The following CNGB3 variants were observed in gnomAD, a reference collection of about 807,000 sequenced individuals.
CNGB3 encodes the protein cyclic nucleotide-gated channel beta-3.
Under a neutral mutation model 92.8 loss-of-function variants are expected in CNGB3, and 86 were observed. The ratio of observed to expected loss-of-function variants is 0.93; its 90% CI spans 0.78 to 1.11. The LOEUF (loss-of-function observed/expected upper bound fraction) is 1.11, where lower values mean the gene tolerates loss of function less well. CNGB3 is among the 50% of genes least tolerant of loss of function. The probability of loss-of-function intolerance (pLI) is 0.00; values close to 1 mark genes in which losing one functional copy is unlikely to be tolerated. For missense variants in CNGB3, 1,026 were observed against 956.8 expected (o/e 1.07, Z -0.95); for synonymous variants, 333 against 332.7 (o/e 1.00, Z -0.01).
intron 6 of CNGB3, among the ~76,000 whole-genome samples, chr8:86,664,872 T>C (rs190648862): frequency 2.0e-5 from 3 of 152,148 alleles, no homozygotes; most frequent in Non-Finnish European, 4.4e-5. Context: ...GCTGTATTGA[T>C]GGAGATATGG....
intron 3 of CNGB3, among the ~76,000 whole-genome samples, chr8:86,702,462 C>T (rs1824574051): frequency 6.6e-6 from 1 of 152,160 alleles, no homozygotes; most frequent in South Asian, 2.1e-4. Context: ...AGATTTTATA[C>T]ATTTGAGATT....
intron 6 of CNGB3, chr8:86,658,851 G>T: frequency 1.5e-6 from 1 of 649,500 alleles, no homozygotes; most frequent in Non-Finnish European, 2.8e-6. Context: ...ATTCTGCATG[G>T]TCTCCAGGGT....
intron 15 of CNGB3, among the ~76,000 whole-genome samples, chr8:86,599,624 G>GGCGGCTGTCTTTTATGGTC (rs1554606978): frequency 2.6e-5 from 4 of 152,034 alleles, no homozygotes; most frequent in African/African-American, 9.7e-5. Context: ...CCACCTTGGG[G>GGCGGCTGTCTTTTATGGTC]GCGGCTGTCT....
intron 3 of CNGB3, among the ~76,000 whole-genome samples, chr8:86,688,943 C>T (rs961519965): frequency 6.6e-6 from 1 of 151,384 alleles, no homozygotes; most frequent in African/African-American, 2.4e-5. Flanking sequence ...ACACTTTCCT[C>T]TTAGTACTGA....
chr8:86,737,928 C>T (rs1825274077), intron 2 of CNGB3, among the ~76,000 whole-genome samples: 1 of 152,110 alleles, frequency 6.6e-6, no homozygotes, highest in African/African-American at 2.4e-5. Context: ...TGAAACATTT[C>T]TTGTGATTTG....
rs533111246 is a variant in CNGB3, at chr8:86,600,776, A to ATTTTTTT, written c.1781+3310_1781+3316dup. ...AGGTGCCCACCACCACGCTCGGCTA[A>ATTTTTTT]TTTTTTTTTTTTTTTTTTTTTTTTT... is the stretch of plus-strand genomic sequence containing the variant. On this transcript the variant is annotated intron_variant, in intron 15 of 17. Coordinates refer to ENST00000320005, the MANE Select transcript of CNGB3 (RefSeq NM_019098.5). Among the ~76,000 whole-genome samples the ATTTTTTT allele has an allele frequency of 2.6e-3, 99 of 38,420 alleles. 9 individuals carry two copies. Among genetic ancestry groups the ATTTTTTT allele is most frequent in the African/African-American group, 4.2e-3 (45 of 10,766 alleles). The allele number at this position is 38,420 out of a possible 152,430, so 25.2% of individuals were successfully genotyped here. A position where few individuals can be genotyped will look rare whatever the true frequency, so the allele number is the denominator to read the frequency against.
chr8:86,623,090 T>G (rs1470170337), intron 13 of CNGB3, among the ~76,000 whole-genome samples: 1 of 152,188 alleles, frequency 6.6e-6, no homozygotes, highest in East Asian at 1.9e-4. Flanking sequence ...TTAAGACATA[T>G]CCTTCTGTCT....
chr8:86,594,271 GC>G, intron 15 of CNGB3: 1 of 264,264 alleles, frequency 3.8e-6, no homozygotes, highest in South Asian at 4.0e-5. Flanking sequence ...GCTTTCGGAT[GC>G]CCTCCGCCAT....
In CNGB3 at chr8:86,726,625, G is replaced by C; in HGVS notation, c.244C>G (p.Leu82Val). The C allele has an allele frequency of 6.2e-7, 1 of 1,613,704 alleles. No individual in the cohort carries two copies. The change falls in exon 3 of 18, where the codon CTG becomes GTG. Residue 82 changes from leucine to valine, a missense_variant. Coordinates refer to ENST00000320005, the MANE Select transcript of CNGB3 (RefSeq NM_019098.5). ...TTTTGAGGGTCAGGGTTTGTGGTCA[G>C]ATCTCCAGAGGAATTTTTCTTGGAG... ...KLSKKNSSGD[L>V]TTNPDPQNAA...
At chr8:86,578,328 G>A (rs1821697347) in intron 17 of CNGB3, among the ~76,000 whole-genome samples, 1 of 152,138 alleles carries the variant, frequency 6.6e-6, no homozygotes, top group Non-Finnish European at 1.5e-5. Flanking sequence ...TGCACGTGCT[G>A]TTGTCCACAA....
chr8:86,731,337 G>T (rs1157765060), intron 2 of CNGB3, among the ~76,000 whole-genome samples: 4 of 152,128 alleles, frequency 2.6e-5, no homozygotes, highest in Non-Finnish European at 5.9e-5. Flanking sequence ...TTTGCATGGG[G>T]TCAAAACTAA....
intron 15 of CNGB3, among the ~76,000 whole-genome samples, chr8:86,592,010 C>G (rs1253206511): frequency 6.6e-6 from 1 of 152,242 alleles, no homozygotes; most frequent in African/African-American, 2.4e-5. Context: ...GGCGTAGGAC[C>G]CTCTGAGCCA....
chr8:86,649,799 G>T (rs1263379439), intron 7 of CNGB3, among the ~76,000 whole-genome samples: 1 of 151,488 alleles, frequency 6.6e-6, no homozygotes, highest in Non-Finnish European at 1.5e-5. Flanking sequence ...ATAAATAAAT[G>T]GGACCTGATT....
intron 13 of CNGB3, among the ~76,000 whole-genome samples, chr8:86,619,529 A>C (rs1484495297): frequency 6.6e-6 from 1 of 152,094 alleles, no homozygotes; most frequent in Non-Finnish European, 1.5e-5. Flanking sequence ...CTAATTAACC[A>C]CAATTTATTG....
intron 3 of CNGB3, among the ~76,000 whole-genome samples, chr8:86,678,706 G>A (rs755690308): frequency 2.6e-5 from 4 of 151,920 alleles, no homozygotes; most frequent in Non-Finnish European, 5.9e-5. Flanking sequence ...AAATGTAATG[G>A]TACCTAACCC....
intron 3 of CNGB3, among the ~76,000 whole-genome samples, chr8:86,719,182 A>G (rs568940683): frequency 1.3e-5 from 2 of 152,214 alleles, no homozygotes; most frequent in Non-Finnish European, 2.9e-5. Flanking sequence ...GCAATCAGAC[A>G]AGAGAAAGAA....
At chr8:86,738,621 C>T (rs1204472297) in intron 2 of CNGB3, among the ~76,000 whole-genome samples, 23 of 152,152 alleles carry the variant, frequency 1.5e-4, no homozygotes, top group Admixed American at 1.5e-3. Flanking sequence ...GGGAGGATCA[C>T]GAGGTCAGGA....
Position 86,658,506 on chromosome 8 carries a change from A to C in CNGB3, c.853-4444T>G, listed in dbSNP as rs532086930. 4 of 388,060 alleles carry C rather than the reference A, an allele frequency of 1.0e-5. No homozygotes were observed. The East Asian group carries it at 2.5e-4, about 24-fold the overall frequency. 24.0% of individuals were successfully genotyped at this position (388,060 alleles called of 1,614,324 possible). The stretch of plus-strand genomic sequence containing the variant: ...TTTGCCCTGAGCTTCCTCCTGCTGC[A>C]GCTGGTCTATGAGCTGGGTCTGCAG... On this transcript the variant is annotated intron_variant, in intron 6 of 17. Transcript: ENST00000320005.
intron 3 of CNGB3, among the ~76,000 whole-genome samples, chr8:86,677,401 G>T (rs542389504): frequency 6.6e-6 from 1 of 152,144 alleles, no homozygotes; most frequent in Non-Finnish European, 1.5e-5. Context: ...AAGAATCAAG[G>T]TCTCTTTCAA....
Sources: allele counts gnomAD v4.1 joint callset (sites outside exome capture counted in the v4.1 genomes callset), GRCh38; gene constraint gnomAD v4.1.1; transcripts MANE v1.5; gene names NCBI Gene and HGNC (gene_info 2026-07-23, HGNC 2026-07-21).